The following TAFA2 variants were observed in gnomAD, a reference collection of about 807,000 sequenced individuals.
TAFA2 encodes chemokine-like protein TAFA-2.
In TAFA2, 7 loss-of-function variants were observed where a neutral mutation model predicts 18.8. The observed-to-expected ratio is 0.37, with a 90% CI of 0.21 to 0.70. The LOEUF (loss-of-function observed/expected upper bound fraction) is 0.70. Among genes scored for constraint, TAFA2 ranks in the 30% least tolerant of loss-of-function variants. The pLI, the probability that TAFA2 is intolerant of heterozygous loss-of-function variation, is 0.53. For missense variants in TAFA2, 122 were observed against 158.1 expected (o/e 0.77, Z 1.23); for synonymous variants, 60 against 54.2 (o/e 1.11, Z -0.47).
At chr12:61,917,237 A>G (rs1876857643) in intron 1 of TAFA2, among the ~76,000 whole-genome samples, 2 of 152,238 alleles carry the variant, frequency 1.3e-5, no homozygotes, top group South Asian at 4.1e-4. Flanking sequence ...TGAAATAATA[A>G]AATACTAAGA....
intron 2 of TAFA2, among the ~76,000 whole-genome samples, chr12:61,818,398 AAAT>A (rs1872175053): frequency 6.6e-6 from 1 of 152,004 alleles, no homozygotes; most frequent in Non-Finnish European, 1.5e-5. Flanking sequence ...AATTGGGATG[AAAT>A]GGACTACAAT....
chr12:61,879,061 G>A (rs778418515), intron 1 of TAFA2, among the ~76,000 whole-genome samples: 8 of 152,122 alleles, frequency 5.3e-5, no homozygotes, highest in African/African-American at 1.2e-4. Flanking sequence ...GTGGCTCAAC[G>A]CTTTGGAAGG....
intron 1 of TAFA2, among the ~76,000 whole-genome samples, chr12:62,071,142 C>T (rs1035762673): frequency 3.3e-5 from 5 of 152,172 alleles, no homozygotes; most frequent in African/African-American, 1.2e-4. Flanking sequence ...ATGAAGCTGA[C>T]AGCCTAGTGA....
At chr12:61,743,190 G>A (rs147064656) in intron 4 of TAFA2, among the ~76,000 whole-genome samples, 8 of 151,864 alleles carry the variant, frequency 5.3e-5, no homozygotes, top group South Asian at 2.1e-4. Context: ...CTTCTATTCC[G>A]TCATGCCTTC....
chr12:61,756,611 A>G (rs1487787590), intron 2 of TAFA2, among the ~76,000 whole-genome samples: 3 of 152,122 alleles, frequency 2.0e-5, no homozygotes, highest in African/African-American at 7.2e-5. Context: ...CAAAGAGCTT[A>G]TGTTTCTGAG....
At chr12:62,123,027 C>G (rs915976693) in intron 1 of TAFA2, among the ~76,000 whole-genome samples, 22 of 152,202 alleles carry the variant, frequency 1.4e-4, no homozygotes, top group African/African-American at 5.3e-4. Flanking sequence ...CTACAGGTAT[C>G]TACATATTTC....
chr12:62,113,228 A>G (rs1162031215), intron 1 of TAFA2, among the ~76,000 whole-genome samples: 1 of 152,046 alleles, frequency 6.6e-6, no homozygotes, highest in Admixed American at 6.6e-5. Flanking sequence ...TTTTCTTTCT[A>G]ACAGTCAGGA....
chr12:62,018,525 C>A (rs563295160), intron 1 of TAFA2, among the ~76,000 whole-genome samples: 1 of 152,272 alleles, frequency 6.6e-6, no homozygotes, highest in Non-Finnish European at 1.5e-5. Flanking sequence ...TGCCACGTAT[C>A]TACAACTATC....
At chr12:61,873,126 T>C (rs1438146812) in intron 1 of TAFA2, among the ~76,000 whole-genome samples, 1 of 152,154 alleles carries the variant, frequency 6.6e-6, no homozygotes, top group Admixed American at 6.5e-5. Context: ...GATGTGAGTT[T>C]TTTAATGGAG....
chr12:62,061,415 T>C (rs1376856516), intron 1 of TAFA2, among the ~76,000 whole-genome samples: 1 of 152,218 alleles, frequency 6.6e-6, no homozygotes, highest in Non-Finnish European at 1.5e-5. Flanking sequence ...GACTATACCA[T>C]ATAGCCTCGG....
intron 1 of TAFA2, among the ~76,000 whole-genome samples, chr12:61,954,754 G>C (rs1354661628): frequency 6.6e-6 from 1 of 152,100 alleles, no homozygotes; most frequent in Non-Finnish European, 1.5e-5. Flanking sequence ...TGCAAAATGA[G>C]AAACTCATGT....
At chr12:61,812,497 G>T (rs1257362435) in intron 2 of TAFA2, among the ~76,000 whole-genome samples, 2 of 151,156 alleles carry the variant, frequency 1.3e-5, no homozygotes, top group African/African-American at 2.5e-5. Context: ...GGAAGCTAGT[G>T]ACCTAGGACA....
intron 1 of TAFA2, among the ~76,000 whole-genome samples, chr12:62,049,234 T>C (rs1881988055): frequency 6.6e-6 from 1 of 152,018 alleles, no homozygotes; most frequent in African/African-American, 2.4e-5. Context: ...CTCCTCTAAA[T>C]GAACATTGAA....
chr12:61,761,374 T>C lies in TAFA2; in HGVS notation c.107-6350A>G, dbSNP rs200305405. On this transcript the variant is annotated intron_variant, in intron 2 of 4. Transcript: ENST00000416284. Reference sequence around the variant, plus strand: ...ACATAATATGGTCACATCTGATTGATCACTTGTGAACCAACCATAAATACA... The same window carrying C: ...ACATAATATGGTCACATCTGATTGACCACTTGTGAACCAACCATAAATACA... Among the ~76,000 whole-genome samples the C allele has an allele frequency of 4.3e-4, 65 of 152,190 alleles. 1 individual carries two copies. The East Asian group carries it at 9.7e-3, about 23-fold the overall frequency.
chr12:61,779,475 G>A (rs950048390), intron 2 of TAFA2, among the ~76,000 whole-genome samples: 2 of 151,876 alleles, frequency 1.3e-5, no homozygotes, highest in African/African-American at 4.8e-5. Context: ...GTTAACTGGA[G>A]CTGCCTTAGT....
intron 1 of TAFA2, among the ~76,000 whole-genome samples, chr12:61,928,336 C>T (rs1291188254): frequency 2.0e-5 from 3 of 152,090 alleles, no homozygotes; most frequent in Non-Finnish European, 2.9e-5. Context: ...ATAAACAACC[C>T]TATCAAAAAG....
intron 2 of TAFA2, among the ~76,000 whole-genome samples, chr12:61,760,553 A>G (rs185290412): frequency 1.3e-5 from 2 of 151,758 alleles, no homozygotes; most frequent in African/African-American, 2.4e-5. Context: ...CTAATTTTTC[A>G]TGTAAACTGC....
At chr12:61,971,862 T>C (rs1879261631) in intron 1 of TAFA2, among the ~76,000 whole-genome samples, 1 of 151,842 alleles carries the variant, frequency 6.6e-6, no homozygotes, top group Non-Finnish European at 1.5e-5. Flanking sequence ...CCCTAGAACT[T>C]AAAGTATAAA....
intron 1 of TAFA2, among the ~76,000 whole-genome samples, chr12:61,954,327 C>T (rs1051914398): frequency 2.6e-5 from 4 of 152,130 alleles, no homozygotes; most frequent in Non-Finnish European, 5.9e-5. Flanking sequence ...ATAATAAAAG[C>T]ACGGTGTTTT....
Sources: gnomAD v4.1 joint callset for allele counts (sites outside exome capture counted in the v4.1 genomes callset) on GRCh38, gnomAD v4.1.1 for gene constraint, MANE v1.5 for transcripts, NCBI Gene and HGNC (gene_info 2026-07-23, HGNC 2026-07-21) for gene names.